Variants in KCNB2 observed in about 807,000 individuals in gnomAD.
The protein encoded by KCNB2 is delayed rectifier potassium channel protein.
Under a neutral mutation model 61.5 loss-of-function variants are expected in KCNB2, and 15 were observed. That is an observed-to-expected ratio of 0.24 (90% CI 0.16 to 0.38). The LOEUF (loss-of-function observed/expected upper bound fraction) is 0.38. KCNB2 is among the 10% of genes least tolerant of loss of function. The pLI is 1.00. For missense variants in KCNB2, 828 were observed against 1,125.2 expected, an observed-to-expected ratio of 0.74 and a Z score of 3.78; for synonymous variants, 457 against 446.0, an observed-to-expected ratio of 1.02 and a Z score of -0.31.
chr8:72,713,328 G>A (rs570488129), intron 2 of KCNB2, among the ~76,000 whole-genome samples: 58 of 152,322 alleles, frequency 3.8e-4, no homozygotes, highest in African/African-American at 1.3e-3. Flanking sequence ...CTCCCAGCAC[G>A]CAGCTTGAGA....
At chr8:72,699,445 G>GT (rs397819063) in intron 2 of KCNB2, among the ~76,000 whole-genome samples, 105,663 of 151,452 alleles carry the variant, frequency 0.7, 37,586 homozygotes, top group African/African-American at 0.82. Context: ...GGGGTTGTTT[G>GT]TTTTTTTTCT....
intron 2 of KCNB2, chr8:72,750,110 A>G (rs1483203437): frequency 6.6e-6 from 1 of 152,006 alleles, no homozygotes; most frequent in Admixed American, 6.6e-5. Context: ...CATCATACAT[A>G]GTGTCATAGT....
chr8:72,660,049 A>G (rs964226920), intron 2 of KCNB2, among the ~76,000 whole-genome samples: 15 of 152,226 alleles, frequency 9.9e-5, no homozygotes, highest in Non-Finnish European at 1.9e-4. Context: ...AAAACATTAT[A>G]CTGAGAATTA....
At chr8:72,625,652 A>G (rs572797334) in intron 2 of KCNB2, among the ~76,000 whole-genome samples, 2 of 152,204 alleles carry the variant, frequency 1.3e-5, no homozygotes, top group East Asian at 3.9e-4. Flanking sequence ...GCTGGTCTTG[A>G]ACGCTTGGGC....
At chr8:72,907,624 T>C (rs531865045) in intron 2 of KCNB2, among the ~76,000 whole-genome samples, 75 of 152,296 alleles carry the variant, frequency 4.9e-4, no homozygotes, top group African/African-American at 1.8e-3. Flanking sequence ...ATTTGGATTC[T>C]CTAACACAAA....
intron 2 of KCNB2, among the ~76,000 whole-genome samples, chr8:72,762,224 T>C (rs1191649141): frequency 6.6e-6 from 1 of 152,092 alleles, no homozygotes; most frequent in Non-Finnish European, 1.5e-5. Context: ...GCCAGTGTTC[T>C]GTGATCGATG....
intron 2 of KCNB2, among the ~76,000 whole-genome samples, chr8:72,863,230 G>A (rs1342833268): frequency 6.6e-6 from 1 of 152,172 alleles, no homozygotes; most frequent in Non-Finnish European, 1.5e-5. Context: ...TACAGGGCTT[G>A]TCAGAGCTGA....
At chr8:72,576,471 C>T (rs1806795437) in intron 2 of KCNB2, among the ~76,000 whole-genome samples, 1 of 152,180 alleles carries the variant, frequency 6.6e-6, no homozygotes, top group African/African-American at 2.4e-5. Flanking sequence ...CAGGACACAT[C>T]CCTCATTGAA....
intron 1 of KCNB2, among the ~76,000 whole-genome samples, chr8:72,552,221 G>T (rs964045069): frequency 1.5e-4 from 23 of 152,122 alleles, no homozygotes; most frequent in Non-Finnish European, 3.1e-4. Context: ...TCTTCCAACA[G>T]AATTTTTTCT....
chr8:72,584,627 G>A lies in KCNB2; in HGVS notation c.579+16314G>A, dbSNP rs114581169. ...ATAAACCACTCTCACCTGCCCACCCGTGCCCTTGCAGGAACATGGACTATG... is the reference window on the plus strand; with the variant it reads ...ATAAACCACTCTCACCTGCCCACCCATGCCCTTGCAGGAACATGGACTATG... On this transcript the variant is annotated intron_variant, in intron 2 of 2. Coordinates refer to ENST00000523207, the MANE Select transcript of KCNB2 (RefSeq NM_004770.3). Among the ~76,000 whole-genome samples the A allele has an allele frequency of 8.3e-3, 1,257 of 152,162 alleles. 15 individuals are homozygous for A. Among genetic ancestry groups the A allele is most frequent in the African/African-American group, 0.029 (1,199 of 41,508 alleles).
intron 2 of KCNB2, among the ~76,000 whole-genome samples, chr8:72,855,511 C>T (rs144825916): frequency 1.3e-5 from 2 of 152,258 alleles, no homozygotes; most frequent in African/African-American, 4.8e-5. Flanking sequence ...GTTATCTGTC[C>T]TCTGCTGTGA....
chr8:72,730,445 ATGAT>A (rs577297746), intron 2 of KCNB2, among the ~76,000 whole-genome samples: 34 of 152,324 alleles, frequency 2.2e-4, no homozygotes, highest in African/African-American at 7.5e-4. Flanking sequence ...GCTTATCTTA[ATGAT>A]TGATTAATTA....
intron 2 of KCNB2, among the ~76,000 whole-genome samples, chr8:72,861,280 T>C (rs980817635): frequency 2.0e-5 from 3 of 152,254 alleles, no homozygotes; most frequent in African/African-American, 7.2e-5. Context: ...TTTTTCTGTG[T>C]ATTTCCAACC....
At chr8:72,893,312 A>C (rs955842740) in intron 2 of KCNB2, among the ~76,000 whole-genome samples, 7 of 152,110 alleles carry the variant, frequency 4.6e-5, no homozygotes, top group African/African-American at 1.7e-4. Context: ...TTATTTCAAC[A>C]TGGGGCAAAA....
At chr8:72,895,639 T>C (rs771983624) in intron 2 of KCNB2, among the ~76,000 whole-genome samples, 4 of 152,126 alleles carry the variant, frequency 2.6e-5, no homozygotes, top group Non-Finnish European at 5.9e-5. Flanking sequence ...TTGCATGTCA[T>C]GGAGTAAATT....
At position 72,567,726 on chromosome 8, in the gene KCNB2, C is replaced by G; in HGVS notation, c.-9C>G. 2 of 1,537,652 alleles carry G rather than the reference C, an allele frequency of 1.3e-6. No homozygotes were observed. Among genetic ancestry groups the G allele is most frequent in the Non-Finnish European group, 1.7e-6 (2 of 1,144,926 alleles). On this transcript the variant is annotated 5_prime_UTR_variant, in exon 2 of 3. Transcript: ENST00000523207. ...AGGACCCTGGCTCTGCGGCTTTGTC[C>G]AGTTCAAAATGGCAGAAAAGGCTCC...
intron 1 of KCNB2, among the ~76,000 whole-genome samples, chr8:72,548,654 T>C (rs1349983826): frequency 2.0e-5 from 3 of 151,684 alleles, no homozygotes; most frequent in African/African-American, 7.3e-5. Flanking sequence ...AGTCATTGGG[T>C]TTTTTTTTCT....
intron 2 of KCNB2, among the ~76,000 whole-genome samples, chr8:72,822,645 A>G (rs929104941): frequency 2.0e-5 from 3 of 152,084 alleles, no homozygotes; most frequent in Non-Finnish European, 2.9e-5. Context: ...AGCAGCCACA[A>G]TGATCTTTTT....
At chr8:72,815,389 A>G (rs1263506851) in intron 2 of KCNB2, among the ~76,000 whole-genome samples, 2 of 152,192 alleles carry the variant, frequency 1.3e-5, no homozygotes, top group Non-Finnish European at 2.9e-5. Context: ...ATTCTTAAGT[A>G]TAAATTTTTA....
Sources: allele counts gnomAD v4.1 joint callset (sites outside exome capture counted in the v4.1 genomes callset), GRCh38; gene constraint gnomAD v4.1.1; transcripts MANE v1.5; gene names NCBI Gene and HGNC (gene_info 2026-07-23, HGNC 2026-07-21).